GRIN3A: variants seen among roughly 807,000 people sequenced by gnomAD.
The protein encoded by GRIN3A is glutamate ionotropic receptor NMDA type subunit 3A.
GRIN3A carries 47 observed loss-of-function variants against 92.4 expected under a neutral mutation model. That is an observed-to-expected ratio of 0.51 (90% CI 0.40 to 0.65). GRIN3A has a LOEUF of 0.65. Among genes scored for constraint, GRIN3A ranks in the 30% least tolerant of loss-of-function variants. The pLI is 0.00. For missense variants in GRIN3A, 1,324 were observed against 1,393.1 expected (o/e 0.95, Z 0.79); for synonymous variants, 527 against 540.6 (o/e 0.97, Z 0.35).
chr9:101,723,256 G>C (rs2119031672), intron 1 of GRIN3A, among the ~76,000 whole-genome samples: 1 of 152,176 alleles, frequency 6.6e-6, no homozygotes, highest in Middle Eastern at 3.4e-3. Flanking sequence ...GATGTGTTAG[G>C]AGTTTCTTCC....
At chr9:101,729,876 A>G (rs1196428235) in intron 1 of GRIN3A, among the ~76,000 whole-genome samples, 3 of 152,066 alleles carry the variant, frequency 2.0e-5, no homozygotes, top group African/African-American at 7.2e-5. Context: ...GTCCCAACTC[A>G]ATTTTTTCTA....
rs889324788 is a variant in GRIN3A at position 101,670,896 on chromosome 9, G to T, written c.1516C>A (p.His506Asn). The change falls in exon 3 of 9, where the codon CAC (histidine) becomes AAC (asparagine). Residue 506 changes from histidine (H) to asparagine (N), a missense_variant. Physicochemically the swap from His to Asn is moderately conservative, Grantham distance 68. Transcript: ENST00000361820. ...TGTAGCTTACTTGGATGTTGGAAGT[G>T]GGTTTTGTGTCTCTGGGCCTGCTCT... Reference protein sequence around the residue: ...WPEQAQRHKTHFQHPSKLHLR... With the variant: ...WPEQAQRHKTNFQHPSKLHLR... 2.7e-5 allele frequency: 44 copies of T among 1,612,036 alleles called. No individual in the cohort carries two copies. The Admixed American group carries it at 7.0e-4, about 26-fold the overall frequency.
At chr9:101,674,244 C>T (rs374592140) in intron 2 of GRIN3A, among the ~76,000 whole-genome samples, 3 of 151,938 alleles carry the variant, frequency 2.0e-5, no homozygotes, top group African/African-American at 4.8e-5. Context: ...CATGATCATT[C>T]GATTTAATTT....
chr9:101,575,785 G>A (rs1163323855), intron 8 of GRIN3A, among the ~76,000 whole-genome samples: 1 of 152,174 alleles, frequency 6.6e-6, no homozygotes, highest in Non-Finnish European at 1.5e-5. Context: ...AGAGAAGAGA[G>A]GGAGAGCATT....
intron 6 of GRIN3A, among the ~76,000 whole-genome samples, chr9:101,586,984 G>A (rs141938775): frequency 3.0e-4 from 46 of 152,160 alleles, no homozygotes; most frequent in African/African-American, 1.0e-3. Context: ...GAGCTTTCCC[G>A]TTATTCTTTT....
intron 5 of GRIN3A, among the ~76,000 whole-genome samples, chr9:101,617,853 T>G (rs1041583471): frequency 1.8e-4 from 26 of 143,222 alleles, no homozygotes; most frequent in African/African-American, 6.0e-4. Flanking sequence ...TGTGTCCATG[T>G]GATCTCATTG....
intron 2 of GRIN3A, among the ~76,000 whole-genome samples, chr9:101,675,539 TG>T (rs1362416039): frequency 1.3e-5 from 2 of 151,946 alleles, no homozygotes; most frequent in Admixed American, 6.6e-5. Flanking sequence ...TCCTAGGTGC[TG>T]GGGGTGTAGT....
intron 6 of GRIN3A, among the ~76,000 whole-genome samples, chr9:101,598,483 A>G (rs1038402130): frequency 1.3e-5 from 2 of 152,222 alleles, no homozygotes; most frequent in African/African-American, 4.8e-5. Context: ...ACAACCCAAC[A>G]TCAAATCTTA....
rs187830140 is a variant in GRIN3A at position 101,711,012 on chromosome 9, T to C, written c.700-23812A>G. 2.0e-5 allele frequency among the ~76,000 whole-genome samples: 3 copies of C among 152,306 alleles called. No individual in the cohort carries two copies. The East Asian group carries it at 5.8e-4, about 29-fold the overall frequency. ...AATAGGACAATATAACAATATACTG[T>C]AATAAAAGTTTTGTGAATGTGGCCT... is the stretch of plus-strand genomic sequence containing the variant. On this transcript the variant is annotated intron_variant, in intron 1 of 8. Coordinates refer to ENST00000361820, the MANE Select transcript of GRIN3A (RefSeq NM_133445.3).
chr9:101,693,041 C>T (rs1044228930), intron 1 of GRIN3A, among the ~76,000 whole-genome samples: 2 of 151,918 alleles, frequency 1.3e-5, no homozygotes, highest in East Asian at 3.9e-4. Context: ...TGATCATCCC[C>T]CTTTAATAGA....
intron 8 of GRIN3A, among the ~76,000 whole-genome samples, chr9:101,577,516 A>G (rs576709769): frequency 7.2e-5 from 11 of 152,336 alleles, no homozygotes; most frequent in East Asian, 3.9e-4. Flanking sequence ...AACACATATC[A>G]TAAGTCTTGG....
intron 1 of GRIN3A, among the ~76,000 whole-genome samples, chr9:101,729,483 T>A (rs1252498961): frequency 6.6e-6 from 1 of 152,156 alleles, no homozygotes; most frequent in African/African-American, 2.4e-5. Context: ...CACTCCAGTC[T>A]CCGCTTCCTT....
chr9:101,646,045 TA>T (rs1175892926), intron 3 of GRIN3A, among the ~76,000 whole-genome samples: 2 of 151,890 alleles, frequency 1.3e-5, no homozygotes, highest in Non-Finnish European at 2.9e-5. Context: ...GATTTATTTT[TA>T]TTTTTTTGTG....
intron 1 of GRIN3A, among the ~76,000 whole-genome samples, chr9:101,719,926 C>A (rs949527068): frequency 6.6e-6 from 1 of 152,210 alleles, no homozygotes; most frequent in Admixed American, 6.5e-5. Context: ...GTCCTCCTAT[C>A]CTGATGGCTC....
intron 6 of GRIN3A, chr9:101,593,456 G>C (rs1828061556): frequency 6.6e-6 from 1 of 152,264 alleles, no homozygotes; most frequent in Admixed American, 6.5e-5. Flanking sequence ...CTGCATCTGT[G>C]AGCAACAGAC....
chr9:101,738,057 G>A lies in GRIN3A; in HGVS notation c.-78C>T. The A allele has an allele frequency of 8.1e-7, 1 of 1,238,578 alleles. No individual in the cohort carries two copies. The highest frequency in any genetic ancestry group is 1.1e-6 in the Non-Finnish European group (1 of 877,634). 76.7% of individuals were successfully genotyped at this position (1,238,578 alleles called of 1,614,324 possible). A position where few individuals can be genotyped will look rare whatever the true frequency, so the allele number is the denominator to read the frequency against. ...TCTGCAGCCGCTGCCTGAGGTCTCCGCCTCCAGGTCCCGCGCGCAGCTTCA... is the reference window on the plus strand; with the variant it reads ...TCTGCAGCCGCTGCCTGAGGTCTCCACCTCCAGGTCCCGCGCGCAGCTTCA... On this transcript the variant is annotated 5_prime_UTR_variant, in exon 1 of 9. Coordinates refer to ENST00000361820, the MANE Select transcript of GRIN3A (RefSeq NM_133445.3).
At chr9:101,689,663 A>C (rs1829587429) in intron 1 of GRIN3A, among the ~76,000 whole-genome samples, 1 of 152,130 alleles carries the variant, frequency 6.6e-6, no homozygotes, top group Non-Finnish European at 1.5e-5. Flanking sequence ...GCAGCCTCAG[A>C]TGCAGTGTTT....
intron 5 of GRIN3A, among the ~76,000 whole-genome samples, chr9:101,616,161 ATGTG>A (rs554624394): frequency 4.6e-5 from 7 of 152,176 alleles, no homozygotes; most frequent in Non-Finnish European, 1.0e-4. Context: ...GAATAAATGA[ATGTG>A]TGAGTGAGTC....
intron 5 of GRIN3A, among the ~76,000 whole-genome samples, chr9:101,622,390 C>G (rs1828569327): frequency 6.6e-6 from 1 of 152,224 alleles, no homozygotes; most frequent in African/African-American, 2.4e-5. Context: ...CCAGCATGCA[C>G]TATCAGGAAG....
Sources: allele counts gnomAD v4.1 joint callset (sites outside exome capture counted in the v4.1 genomes callset), GRCh38; gene constraint gnomAD v4.1.1; transcripts MANE v1.5; gene names NCBI Gene and HGNC (gene_info 2026-07-23, HGNC 2026-07-21).